Variants in NALF1 observed in about 807,000 individuals in gnomAD.
The protein encoded by NALF1 is NALCN channel auxiliary factor 1.
In NALF1, 3 loss-of-function variants were observed where a neutral mutation model predicts 48.4. The observed-to-expected ratio is 0.06, with a 90% CI of 0.03 to 0.16. The LOEUF is 0.16. Ranked by LOEUF, NALF1 falls within the 10% of genes least tolerant of loss-of-function variation. The probability of loss-of-function intolerance (pLI) is 1.00; values close to 1 mark genes in which losing one functional copy is unlikely to be tolerated. For synonymous variants in NALF1, 262 were observed against 245.7 expected (o/e 1.07, Z -0.62); for missense variants, 526 against 571.5 (o/e 0.92, Z 0.81).
chr13:107,822,089 T>C (rs1406616894), intron 1 of NALF1, among the ~76,000 whole-genome samples: 2 of 147,036 alleles, frequency 1.4e-5, no homozygotes, highest in Non-Finnish European at 2.9e-5. Flanking sequence ...TGTGTATCAT[T>C]GAGAAGCATG....
chr13:107,761,167 C>A (rs1029948132), intron 1 of NALF1, among the ~76,000 whole-genome samples: 14 of 152,182 alleles, frequency 9.2e-5, no homozygotes, highest in Non-Finnish European at 1.5e-5. Context: ...ACCATTCTGG[C>A]TAACACGGTG....
rs61241553 is a variant in NALF1 at position 107,469,733 on chromosome 13, C to CTTTTTTT, written c.916-258985_916-258979dup. ...TAAATGCGATGAGTCAACTGTGTAT[C>CTTTTTTT]TTTTTTTTTTTTTTTTTTTTTTTTT... On this transcript the variant is annotated intron_variant, in intron 1 of 2. Coordinates refer to ENST00000375915, the MANE Select transcript of NALF1 (RefSeq NM_001080396.3). 6.9e-4 allele frequency among the ~76,000 whole-genome samples: 55 copies of CTTTTTTT among 79,970 alleles called. 7 individuals are homozygous for CTTTTTTT. Among genetic ancestry groups the CTTTTTTT allele is most frequent in the African/African-American group, 1.6e-3 (30 of 18,766 alleles). 52.5% of individuals were successfully genotyped at this position (79,970 alleles called of 152,430 possible).
At chr13:107,226,350 A>G (rs1880107568) in intron 1 of NALF1, among the ~76,000 whole-genome samples, 1 of 152,154 alleles carries the variant, frequency 6.6e-6, no homozygotes, top group Non-Finnish European at 1.5e-5. Context: ...TATCTTTTAC[A>G]TTTTTCAGCG....
chr13:107,639,124 G>T (rs531463916), intron 1 of NALF1, among the ~76,000 whole-genome samples: 1 of 152,242 alleles, frequency 6.6e-6, no homozygotes, highest in South Asian at 2.1e-4. Flanking sequence ...CCTATGAAGA[G>T]ATAATTTACT....
chr13:107,519,370 A>G (rs991837551), intron 1 of NALF1, among the ~76,000 whole-genome samples: 1 of 152,274 alleles, frequency 6.6e-6, no homozygotes, highest in African/African-American at 2.4e-5. Flanking sequence ...GGAGGAAAAA[A>G]AAAAAAACTT....
chr13:107,838,325 A>G (rs776277953), intron 1 of NALF1, among the ~76,000 whole-genome samples: 3 of 152,250 alleles, frequency 2.0e-5, no homozygotes, highest in East Asian at 1.9e-4. Flanking sequence ...CTCAAAAACA[A>G]TAACATCTGA....
chr13:107,211,393 T>C (rs150862344), intron 1 of NALF1, among the ~76,000 whole-genome samples: 30 of 152,228 alleles, frequency 2.0e-4, no homozygotes, highest in African/African-American at 7.2e-4. Context: ...TGGTTGGGAG[T>C]AGGAGGGAAG....
In NALF1 at chr13:107,749,736, C is replaced by A. The variant is rs142167678; in HGVS notation, c.915+115946G>T. ...TTTCAAGGTCTAAGGTAAATATAGT[C>A]GTAGCAAATCAATAAAGTAAACTTG... On this transcript the variant is annotated intron_variant, in intron 1 of 2. Coordinates refer to ENST00000375915, the MANE Select transcript of NALF1 (RefSeq NM_001080396.3). Among the ~76,000 whole-genome samples, 207 of 152,102 alleles carry A rather than the reference C, an allele frequency of 1.4e-3. 1 individual carries two copies. The highest frequency in any genetic ancestry group is 4.8e-3 in the African/African-American group (198 of 41,476).
At chr13:107,548,298 A>C (rs1877188216) in intron 1 of NALF1, among the ~76,000 whole-genome samples, 1 of 152,098 alleles carries the variant, frequency 6.6e-6, no homozygotes, top group Non-Finnish European at 1.5e-5. Flanking sequence ...CAAAAGGCAT[A>C]ATCTCATTCT....
intron 1 of NALF1, among the ~76,000 whole-genome samples, chr13:107,358,168 ATG>A (rs59782928): frequency 0.37 from 52,682 of 143,854 alleles, 12,519 homozygotes; most frequent in Middle Eastern, 0.52. Context: ...TACGTAACAT[ATG>A]TGTGTGTGTG....
intron 1 of NALF1, among the ~76,000 whole-genome samples, chr13:107,487,050 C>T (rs567562799): frequency 9.2e-5 from 14 of 152,026 alleles, no homozygotes; most frequent in East Asian, 1.9e-4. Context: ...CGAATTCCTC[C>T]GTGCAGCTTC....
At chr13:107,197,778 A>G (rs1230090159) in intron 2 of NALF1, among the ~76,000 whole-genome samples, 1 of 152,166 alleles carries the variant, frequency 6.6e-6, no homozygotes, top group Admixed American at 6.5e-5. Context: ...AAATTGATGG[A>G]GCTCTTGATT....
intron 1 of NALF1, among the ~76,000 whole-genome samples, chr13:107,677,951 T>G (rs1264990963): frequency 6.6e-6 from 1 of 152,232 alleles, no homozygotes; most frequent in East Asian, 1.9e-4. Context: ...CTGAAACCTT[T>G]AAACGTCCAT....
intron 1 of NALF1, among the ~76,000 whole-genome samples, chr13:107,249,313 T>C (rs1220538370): frequency 1.3e-5 from 2 of 152,084 alleles, no homozygotes; most frequent in Non-Finnish European, 2.9e-5. Flanking sequence ...CATTAAGTAG[T>C]TTCTTGAAAA....
chr13:107,307,037 C>A (rs1447588967), intron 1 of NALF1, among the ~76,000 whole-genome samples: 1 of 152,186 alleles, frequency 6.6e-6, no homozygotes, highest in Non-Finnish European at 1.5e-5. Context: ...AAATGCCTGA[C>A]TTTATATGTT....
At chr13:107,287,706 C>CTTTTTTTTTTTTTTTTTTTTT (rs59607599) in intron 1 of NALF1, among the ~76,000 whole-genome samples, 2 of 127,890 alleles carry the variant, frequency 1.6e-5, no homozygotes, top group Non-Finnish European at 3.2e-5. Flanking sequence ...TCTTTTCTTT[C>CTTTTTTTTTTTTTTTTTTTTT]TTTTTTTTTT....
At chr13:107,652,245 A>T (rs1426223300) in intron 1 of NALF1, among the ~76,000 whole-genome samples, 3 of 152,108 alleles carry the variant, frequency 2.0e-5, no homozygotes, top group African/African-American at 7.2e-5. Context: ...AATTTCTGTG[A>T]TTCTGAGTTG....
intron 1 of NALF1, among the ~76,000 whole-genome samples, chr13:107,305,830 T>C (rs965059950): frequency 4.6e-5 from 7 of 152,332 alleles, no homozygotes; most frequent in Middle Eastern, 3.4e-3. Flanking sequence ...ATAAGAGCAG[T>C]GGCTGACTCT....
Position 107,844,841 on chromosome 13 carries a change from T to C in NALF1, c.915+20841A>G, listed in dbSNP as rs190047518. On this transcript the variant is annotated intron_variant, in intron 1 of 2. Transcript: ENST00000375915. ...TTCCTCAAGAGCATGACCTTAGGGA[T>C]AGGCGTTTCTGAGAGTCAAAGCAGG... Among the ~76,000 whole-genome samples, 1,214 of 152,304 alleles carry C rather than the reference T, an allele frequency of 8.0e-3. 10 individuals carry two copies. The highest frequency in any genetic ancestry group is 0.024 in the Middle Eastern group (7 of 294).
Sources: gnomAD v4.1 joint callset for allele counts (sites outside exome capture counted in the v4.1 genomes callset) on GRCh38, gnomAD v4.1.1 for gene constraint, MANE v1.5 for transcripts, NCBI Gene and HGNC (gene_info 2026-07-23, HGNC 2026-07-21) for gene names.